TACC2: variants seen among roughly 807,000 people sequenced by gnomAD.
TACC2 encodes transforming acidic coiled-coil containing protein 2, also known as transforming acidic coiled-coil-containing protein 2.
TACC2 carries 137 observed loss-of-function variants against 227.3 expected under a neutral mutation model. That is an observed-to-expected ratio of 0.60 (90% CI 0.52 to 0.69). The LOEUF is 0.69. TACC2 is among the 30% of genes least tolerant of loss of function. The pLI is 0.00. For missense variants in TACC2, 3,470 were observed against 3,694.4 expected (o/e 0.94, Z 1.57); for synonymous variants, 1,523 against 1,487.5 (o/e 1.02, Z -0.55).
intron 3 of TACC2, chr10:122,051,788 T>A (rs2075726234): frequency 3.6e-5 from 4 of 110,398 alleles, no homozygotes; most frequent in African/African-American, 1.3e-4. Flanking sequence ...TTTTTTTTTT[T>A]TTTTGCTTTG....
intron 5 of TACC2, among the ~76,000 whole-genome samples, chr10:122,130,158 G>A (rs973303883): frequency 6.6e-6 from 1 of 152,128 alleles, no homozygotes; most frequent in Non-Finnish European, 1.5e-5. Context: ...ACCATGCACA[G>A]CTAATTTTTG....
At chr10:122,225,539 C>G (rs1318441417) in intron 12 of TACC2, among the ~76,000 whole-genome samples, 1 of 152,214 alleles carries the variant, frequency 6.6e-6, no homozygotes, top group Non-Finnish European at 1.5e-5. Context: ...TCCCCTTGTG[C>G]GTTGCTTAAA....
At chr10:122,124,788 C>T (rs148285487) in intron 5 of TACC2, among the ~76,000 whole-genome samples, 1 of 152,194 alleles carries the variant, frequency 6.6e-6, no homozygotes, top group Non-Finnish European at 1.5e-5. Flanking sequence ...TCCCCGATTC[C>T]GCAGTCATTG....
At chr10:122,252,879 G>T (rs2096277636) in intron 22 of TACC2, among the ~76,000 whole-genome samples, 1 of 152,198 alleles carries the variant, frequency 6.6e-6, no homozygotes, top group African/African-American at 2.4e-5. Flanking sequence ...CCTCTCTCGA[G>T]TTGTTGACCT....
rs1198489283 is a variant in TACC2 at position 122,086,692 on chromosome 10, C to A, written c.4192C>A (p.Gln1398Lys). The A allele has an allele frequency of 6.2e-7, 1 of 1,613,568 alleles. No individual in the cohort carries two copies. The highest frequency in any genetic ancestry group is 1.7e-5 in the Admixed American group (1 of 59,994). The change falls in exon 4 of 23, where the codon CAA (glutamine) becomes AAA (lysine). Residue 1398 changes from glutamine to lysine, a missense_variant. Gln to Lys is a moderately conservative substitution (Grantham distance 53). Transcript: ENST00000369005. ...TSGGVDTSSEQIATLTGFPDF... is the reference protein window; with the variant it reads ...TSGGVDTSSEKIATLTGFPDF... ...AGGTGGTGTGGACACAAGCTCTGAG[C>A]AAATCGCCACCCTCACTGGCTTCCC... is the stretch of plus-strand genomic sequence containing the variant.
At chr10:122,158,122 T>A (rs2092602110) in intron 7 of TACC2, among the ~76,000 whole-genome samples, 1 of 152,132 alleles carries the variant, frequency 6.6e-6, no homozygotes. Flanking sequence ...TACAGGTGGC[T>A]CACACTTGTA....
intron 3 of TACC2, among the ~76,000 whole-genome samples, chr10:122,081,727 G>C (rs551753602): frequency 6.6e-6 from 1 of 152,236 alleles, no homozygotes; most frequent in East Asian, 1.9e-4. Context: ...AAGTGTTCAA[G>C]TTAAGACAAA....
At chr10:122,125,392 G>T (rs1274375351) in intron 5 of TACC2, among the ~76,000 whole-genome samples, 2 of 151,814 alleles carry the variant, frequency 1.3e-5, no homozygotes, top group Non-Finnish European at 2.9e-5. Context: ...GTAGAGATTG[G>T]GTTTTGCTAT....
chr10:122,179,884 A>G (rs2093905780), intron 7 of TACC2, among the ~76,000 whole-genome samples: 1 of 152,114 alleles, frequency 6.6e-6, no homozygotes, highest in South Asian at 2.1e-4. Flanking sequence ...GTTTGAGACC[A>G]GCCTGGGTAG....
rs544754671 is a variant in TACC2 at position 122,050,091 on chromosome 10, C to G, written c.34-347C>G. Among the ~76,000 whole-genome samples, 131 of 152,290 alleles carry G rather than the reference C, an allele frequency of 8.6e-4. No individual in the cohort carries two copies. Among genetic ancestry groups the G allele is most frequent in the African/African-American group, 3.0e-3 (125 of 41,564 alleles). ...TCAGGAGTGCCACAAACAAATTGGA[C>G]ACTTTCAAGTCTTAGTTTAAATGCT... On this transcript the variant is annotated intron_variant, in intron 2 of 22. Coordinates refer to ENST00000369005, the MANE Select transcript of TACC2 (RefSeq NM_206862.4). This position sits in a 1 kb window ranked among gnomAD's most constrained non-coding sequence, Gnocchi z 4.6.
chr10:122,176,219 T>G (rs113264336), intron 7 of TACC2, among the ~76,000 whole-genome samples: 11 of 151,278 alleles, frequency 7.3e-5, no homozygotes, highest in African/African-American at 2.4e-4. Context: ...AGATGAAGAT[T>G]GGGTACCACT....
chr10:122,141,356 A>T lies in TACC2; in HGVS notation c.5700-2216A>T, dbSNP rs2139160621. Among the ~76,000 whole-genome samples, 1 of 152,208 alleles carries T rather than the reference A, an allele frequency of 6.6e-6. No individual in the cohort carries two copies. Among genetic ancestry groups the T allele is most frequent in the South Asian group, 2.1e-4 (1 of 4,812 alleles). On this transcript the variant is annotated intron_variant, in intron 6 of 22. Coordinates refer to ENST00000369005, the MANE Select transcript of TACC2 (RefSeq NM_206862.4). The surrounding 1 kb of genome is among the most constrained non-coding windows in gnomAD (Gnocchi z 4.3). ...GTGGAAGGAGGGGGGCGCCTTTCTT[A>T]AATGAGCTGTTGAGTCACACTTGTT... is the stretch of plus-strand genomic sequence containing the variant.
intron 2 of TACC2, among the ~76,000 whole-genome samples, chr10:122,032,079 A>G (rs992741557): frequency 2.6e-5 from 4 of 152,110 alleles, no homozygotes; most frequent in Admixed American, 2.0e-4. Context: ...TCTGAAGTCA[A>G]TTGCTGTGCC....
chr10:122,169,279 C>G (rs2093349935), intron 7 of TACC2, among the ~76,000 whole-genome samples: 1 of 152,208 alleles, frequency 6.6e-6, no homozygotes, highest in Non-Finnish European at 1.5e-5. Context: ...TCAGCAGAAA[C>G]TCTTGTGTAC....
At chr10:122,075,398 G>A (rs368162200) in intron 3 of TACC2, among the ~76,000 whole-genome samples, 2 of 152,130 alleles carry the variant, frequency 1.3e-5, no homozygotes. Context: ...AGGAGAAGGG[G>A]CTGCATTGTG....
At chr10:122,105,465 C>G (rs2082644705) in intron 5 of TACC2, among the ~76,000 whole-genome samples, 2 of 152,120 alleles carry the variant, frequency 1.3e-5, no homozygotes, top group Non-Finnish European at 2.9e-5. Context: ...TTCCTTCAGC[C>G]TCCTGAAGTT....
At chr10:122,189,954 C>T (rs1275556403) in intron 7 of TACC2, among the ~76,000 whole-genome samples, 2 of 152,162 alleles carry the variant, frequency 1.3e-5, no homozygotes, top group Non-Finnish European at 2.9e-5. Context: ...AATTTTCTTC[C>T]AACTTCCAAG....
At chr10:122,078,916 T>C (rs2079137784) in intron 3 of TACC2, 1 of 152,268 alleles carries the variant, frequency 6.6e-6, no homozygotes. Flanking sequence ...TCCTGGTTGC[T>C]TTCTGATAAG....
intron 1 of TACC2, among the ~76,000 whole-genome samples, chr10:121,997,639 T>C (rs1217708305): frequency 6.6e-6 from 1 of 152,052 alleles, no homozygotes; most frequent in Non-Finnish European, 1.5e-5. Flanking sequence ...CCAACGTGGC[T>C]GCTCAAGTGT....
Sources: gnomAD v4.1 joint callset for allele counts (sites outside exome capture counted in the v4.1 genomes callset) on GRCh38, gnomAD v4.1.1 for gene constraint, Gnocchi (gnomAD v3.1) non-coding constraint, MANE v1.5 for transcripts, NCBI Gene and HGNC (gene_info 2026-07-23, HGNC 2026-07-21) for gene names.